Variants in RAB38 observed in about 807,000 individuals in gnomAD.
The protein encoded by RAB38 is ras-related protein Rab-38.
In RAB38, 15 loss-of-function variants were observed where a neutral mutation model predicts 18.4. The observed-to-expected ratio is 0.82, with a 90% confidence interval of 0.55 to 1.26. The LOEUF is 1.26. Among genes scored for constraint, RAB38 ranks in the 50% most tolerant of loss-of-function variants. The pLI is 0.00. For missense variants in RAB38, 294 were observed against 267.4 expected (o/e 1.10, Z -0.69); for synonymous variants, 101 against 104.4 (o/e 0.97, Z 0.20).
At chr11:88,133,247 G>A (rs2134798908) in intron 2 of RAB38, among the ~76,000 whole-genome samples, 1 of 152,232 alleles carries the variant, frequency 6.6e-6, no homozygotes, top group East Asian at 1.9e-4. Context: ...CTTACAAAGA[G>A]TGAAAAGTCA....
At chr11:87,842,148 A>G in the RAB38 span, among the ~76,000 whole-genome samples, 2 of 152,144 alleles carry the variant, frequency 1.3e-5, no homozygotes, top group Non-Finnish European at 2.9e-5. Flanking sequence ...CATGTCAGAG[A>G]GGCTGCTTAG....
chr11:87,903,294 T>A, the RAB38 span, among the ~76,000 whole-genome samples: 4 of 151,474 alleles, frequency 2.6e-5, no homozygotes, highest in African/African-American at 7.3e-5. Flanking sequence ...AAATACAAAT[T>A]TTTTTCTTCT....
chr11:87,920,560 T>A, the RAB38 span, among the ~76,000 whole-genome samples: 1,162 of 152,180 alleles, frequency 7.6e-3, 18 homozygotes, highest in African/African-American at 0.027. Context: ...GTTTAATATA[T>A]GATCTATTCT....
At chr11:88,017,364 TACAC>T in the RAB38 span, among the ~76,000 whole-genome samples, 11 of 150,436 alleles carry the variant, frequency 7.3e-5, no homozygotes, top group Non-Finnish European at 7.4e-5. Context: ...TATAGACACA[TACAC>T]ACACACACAC....
At chr11:87,889,973 A>C in the RAB38 span, among the ~76,000 whole-genome samples, 7 of 151,968 alleles carry the variant, frequency 4.6e-5, no homozygotes, top group Admixed American at 3.9e-4. Context: ...TAAAAATTAT[A>C]TACATTATAA....
the RAB38 span, chr11:88,061,924 T>C: frequency 6.6e-6 from 1 of 152,200 alleles, no homozygotes; most frequent in Non-Finnish European, 1.5e-5. Context: ...AATAGGGTCT[T>C]TGGTTCTTTT....
chr11:87,938,814 C>T, the RAB38 span, among the ~76,000 whole-genome samples: 3 of 151,804 alleles, frequency 2.0e-5, no homozygotes, highest in South Asian at 2.1e-4. Context: ...CTTTGTAGCT[C>T]CTTGGGTCCT....
the RAB38 span, among the ~76,000 whole-genome samples, chr11:87,856,553 C>T: frequency 6.6e-6 from 1 of 152,118 alleles, no homozygotes; most frequent in African/African-American, 2.4e-5. Context: ...ATAACAAACA[C>T]CAACAGTTTT....
chr11:87,895,157 GC>G, the RAB38 span, among the ~76,000 whole-genome samples: 1 of 151,610 alleles, frequency 6.6e-6, no homozygotes, highest in Non-Finnish European at 1.5e-5. Context: ...CTCTAGCGGG[GC>G]CTCTGGAAAG....
At chr11:88,025,300 A>C in the RAB38 span, among the ~76,000 whole-genome samples, 1 of 151,442 alleles carries the variant, frequency 6.6e-6, no homozygotes, top group African/African-American at 2.4e-5. Context: ...ACCTAGCTTG[A>C]TTACATGTCT....
At chr11:88,005,754 A>G in the RAB38 span, among the ~76,000 whole-genome samples, 1 of 151,448 alleles carries the variant, frequency 6.6e-6, no homozygotes, top group South Asian at 2.1e-4. Flanking sequence ...TCTTTAATAC[A>G]TTTTTAGTAG....
At chr11:87,847,634 G>A in the RAB38 span, among the ~76,000 whole-genome samples, 1 of 152,042 alleles carries the variant, frequency 6.6e-6, no homozygotes, top group Non-Finnish European at 1.5e-5. Flanking sequence ...AGTGAGTAGG[G>A]GTGAGATGGT....
chr11:87,916,041 C>A, the RAB38 span, among the ~76,000 whole-genome samples: 1 of 152,142 alleles, frequency 6.6e-6, no homozygotes, highest in Non-Finnish European at 1.5e-5. Flanking sequence ...GTCTGTCTCA[C>A]AATTGTGTCT....
At chr11:87,914,238 C>G in the RAB38 span, among the ~76,000 whole-genome samples, 1 of 151,960 alleles carries the variant, frequency 6.6e-6, no homozygotes, top group Non-Finnish European at 1.5e-5. Context: ...TGGCTGTGAC[C>G]AAAACATTGA....
the RAB38 span, among the ~76,000 whole-genome samples, chr11:88,020,700 G>C: frequency 1.1e-4 from 17 of 152,072 alleles, no homozygotes; most frequent in African/African-American, 3.6e-4. Context: ...CATATATTAG[G>C]TCACAAATGT....
chr11:87,807,175 C>G, the RAB38 span, among the ~76,000 whole-genome samples: 1 of 152,186 alleles, frequency 6.6e-6, no homozygotes, highest in Non-Finnish European at 1.5e-5. Flanking sequence ...CCATCCCCCA[C>G]AAAAATCTGT....
intron 1 of RAB38, among the ~76,000 whole-genome samples, chr11:88,163,452 A>G (rs1038636420): frequency 6.6e-6 from 1 of 152,140 alleles, no homozygotes; most frequent in Non-Finnish European, 1.5e-5. Context: ...ATCTGTTCAT[A>G]ATTCAGAACC....
At chr11:88,120,784 T>C (rs913419852) in intron 2 of RAB38, among the ~76,000 whole-genome samples, 4 of 152,132 alleles carry the variant, frequency 2.6e-5, no homozygotes, top group African/African-American at 9.7e-5. Flanking sequence ...TAGAGCCTTA[T>C]ACCTCCTAGG....
chr11:87,893,371 C>CATATATATATATGTATGTAT, the RAB38 span, among the ~76,000 whole-genome samples: 1 of 86,446 alleles, frequency 1.2e-5, no homozygotes, highest in African/African-American at 4.3e-5. Context: ...ATATATTTTA[C>CATATATATATATGTATGTAT]ATATATATAT....
Sources: gnomAD v4.1 joint callset for allele counts (sites outside exome capture counted in the v4.1 genomes callset) on GRCh38, gnomAD v4.1.1 for gene constraint, MANE v1.5 for transcripts, NCBI Gene and HGNC (gene_info 2026-07-23, HGNC 2026-07-21) for gene names.